Variants in UBR2 observed in about 807,000 individuals in gnomAD.
UBR2 encodes E3 ubiquitin-protein ligase UBR2.
A neutral mutation model predicts 247.9 loss-of-function variants in UBR2; 92 were observed. The observed-to-expected ratio is 0.37, with a 90% CI of 0.31 to 0.44. The LOEUF (loss-of-function observed/expected upper bound fraction) is 0.44, where lower values mean the gene tolerates loss of function less well. Among genes scored for constraint, UBR2 ranks in the 20% least tolerant of loss-of-function variants. The probability of loss-of-function intolerance (pLI) is 1.00; values close to 1 mark genes in which losing one functional copy is unlikely to be tolerated. For synonymous variants in UBR2, 672 were observed against 693.5 expected (o/e 0.97, Z 0.49); for missense variants, 1,613 against 2,112.6 (o/e 0.76, Z 4.64).
chr6:42,568,946 G>C (rs1256797383), intron 1 of UBR2, among the ~76,000 whole-genome samples: 1 of 152,048 alleles, frequency 6.6e-6, no homozygotes, highest in Non-Finnish European at 1.5e-5. Context: ...TCAGATTTTG[G>C]ATCATTTTGG....
At chr6:42,619,664 G>A (rs1056017935) in intron 11 of UBR2, 1 of 154,112 alleles carries the variant, frequency 6.5e-6, no homozygotes, top group Admixed American at 6.6e-5. Context: ...CCAAGAGGCG[G>A]AGGTTGCAGT....
intron 2 of UBR2, among the ~76,000 whole-genome samples, chr6:42,574,960 A>G (rs1412467294): frequency 6.6e-6 from 1 of 152,150 alleles, no homozygotes; most frequent in African/African-American, 2.4e-5. Context: ...TGGCCTCCCA[A>G]AGTGCTGGAT....
intron 1 of UBR2, among the ~76,000 whole-genome samples, chr6:42,572,994 G>A (rs1007417323): frequency 9.2e-5 from 14 of 151,984 alleles, no homozygotes; most frequent in Admixed American, 4.6e-4. Context: ...CAGATTTTTC[G>A]GTGTGGATAC....
chr6:42,676,817 T>G lies in UBR2; in HGVS notation c.4422T>G (p.Cys1474Trp). 6.2e-7 allele frequency: 1 copy of G among 1,614,058 alleles called. No individual in the cohort carries two copies. The highest frequency in any genetic ancestry group is 1.3e-5 in the African/African-American group (1 of 75,062). The change falls in exon 40 of 47, where the codon TGT becomes TGG. Residue 1474 changes from cysteine to tryptophan, a missense_variant. By Grantham distance (215) the Cys-to-Trp change is radical (BLOSUM62 -2). Around this residue, in one of 3 missense-constraint regions of UBR2, gnomAD observed 1,524 missense variants for 1,967.3 expected, o/e 0.77. Transcript: ENST00000372901. ...GCATGGATCAAGAAAATCCCCCTTG[T>G]GAAGAAGAATCAGCAGTTCTTGCTT... ...ENGMDQENPP[C>W]EEESAVLALY...
At chr6:42,591,824 A>G (rs1470005078) in intron 2 of UBR2, among the ~76,000 whole-genome samples, 1 of 152,208 alleles carries the variant, frequency 6.6e-6, no homozygotes, top group African/African-American at 2.4e-5. Flanking sequence ...TATTTTGAGT[A>G]TATTTCATAT....
chr6:42,573,371 T>G (rs1346359998), intron 1 of UBR2, among the ~76,000 whole-genome samples: 1 of 152,222 alleles, frequency 6.6e-6, no homozygotes, highest in African/African-American at 2.4e-5. Context: ...GATATCACAA[T>G]GAGAATAACA....
intron 2 of UBR2, among the ~76,000 whole-genome samples, chr6:42,574,615 G>A (rs886552466): frequency 2.6e-5 from 4 of 151,870 alleles, no homozygotes; most frequent in African/African-American, 7.2e-5. Flanking sequence ...AGAATAAAGT[G>A]CCTTGTCCCC....
rs763114628 is a variant in UBR2 at position 42,666,207 on chromosome 6, A to G, written c.3843A>G (p.Leu1281=). 1.9e-6 allele frequency: 3 copies of G among 1,613,034 alleles called. No individual in the cohort carries two copies. Among genetic ancestry groups the G allele is most frequent in the Non-Finnish European group, 2.5e-6 (3 of 1,179,462 alleles). ...AGAATTCAGAAAATGTGGATGAATT[A>G]CAGCTCCCTGAAGGGTTCAGGCCTG... The part of the protein sequence containing the change: ...STKNSENVDE[L]QLPEGFRPDF... Residue 1281 remains leucine (L), a synonymous_variant, in exon 34 of 47, where the codon TTA becomes TTG. Coordinates refer to ENST00000372901, the MANE Select transcript of UBR2 (RefSeq NM_001363705.2).
chr6:42,662,423 T>C, intron 31 of UBR2, 146 bp downstream of exon 31: 1 of 578,614 alleles, frequency 1.7e-6, no homozygotes, highest in Non-Finnish European at 3.0e-6. Context: ...TAACAAAAGT[T>C]ATTTGCCTTG....
At chr6:42,575,974 T>C (rs1358947519) in intron 2 of UBR2, among the ~76,000 whole-genome samples, 1 of 152,196 alleles carries the variant, frequency 6.6e-6, no homozygotes, top group Non-Finnish European at 1.5e-5. Context: ...GCTATCTTTG[T>C]TCTTTTTCAT....
At chr6:42,627,220 G>C (rs1253184516) in intron 11 of UBR2, among the ~76,000 whole-genome samples, 1 of 152,154 alleles carries the variant, frequency 6.6e-6, no homozygotes, top group Admixed American at 6.5e-5. Flanking sequence ...CATAAGACCA[G>C]ATAAGCCAGT....
chr6:42,570,052 A>G (rs532920679), intron 1 of UBR2, among the ~76,000 whole-genome samples: 15 of 78,582 alleles, frequency 1.9e-4, no homozygotes, highest in African/African-American at 1.0e-3. Context: ...CAGTTAGCAT[A>G]TGTTAGAACT....
chr6:42,590,582 G>T (rs73438688), intron 2 of UBR2, among the ~76,000 whole-genome samples: 3,559 of 152,200 alleles, frequency 0.023, 126 homozygotes, highest in African/African-American at 0.08. Context: ...TCATATAAAA[G>T]ACACAAATAG....
chr6:42,615,971 C>T (rs1794516528), intron 9 of UBR2, 31 bp from the exon 10 acceptor site: 1 of 1,458,780 alleles, frequency 6.9e-7, no homozygotes, highest in South Asian at 1.4e-5. Flanking sequence ...TGGGCGTGTC[C>T]TTATCTTATA....
intron 4 of UBR2, among the ~76,000 whole-genome samples, chr6:42,602,328 A>C (rs1237211133): frequency 1.3e-5 from 2 of 151,688 alleles, no homozygotes; most frequent in African/African-American, 4.8e-5. Context: ...TCAGCCTCCC[A>C]AGTAGCAGGG....
At chr6:42,630,805 T>C (rs896828523) in intron 11 of UBR2, among the ~76,000 whole-genome samples, 1 of 152,076 alleles carries the variant, frequency 6.6e-6, no homozygotes, top group Non-Finnish European at 1.5e-5. Flanking sequence ...TCTGCTTATT[T>C]GGGGTTTTTT....
intron 42 of UBR2, among the ~76,000 whole-genome samples, chr6:42,681,065 AG>A (rs1226718118): frequency 1.3e-5 from 2 of 150,874 alleles, no homozygotes; most frequent in East Asian, 4.0e-4. Flanking sequence ...CGGGAGGCTG[AG>A]GCAGGAGAAT....
intron 2 of UBR2, among the ~76,000 whole-genome samples, chr6:42,575,973 G>A (rs1019667192): frequency 6.6e-6 from 1 of 151,994 alleles, no homozygotes; most frequent in Non-Finnish European, 1.5e-5. Flanking sequence ...AGCTATCTTT[G>A]TTCTTTTTCA....
Position 42,632,555 on chromosome 6 carries a change from C to T in UBR2, c.1285C>T (p.Arg429Ter). 1.3e-6 allele frequency: 2 copies of T among 1,596,066 alleles called. No individual in the cohort carries two copies. The highest frequency in any genetic ancestry group is 8.5e-7 in the Non-Finnish European group (1 of 1,172,710). Residue 429 changes from arginine (R) to a stop codon, truncating the protein, a stop_gained, in exon 12 of 47, where the codon CGA (arginine) becomes TGA (stop). Coordinates refer to ENST00000372901, the MANE Select transcript of UBR2 (RefSeq NM_001363705.2). LOFTEE classifies it high-confidence loss of function. ...VQIFTVPSLA[R>*]MLITEENLMS... ...CTCTGATAAACTTTGTTTTTAGGCT[C>T]GAATGCTCATCACAGAAGAAAACTT...
Sources: allele counts gnomAD v4.1 joint callset (sites outside exome capture counted in the v4.1 genomes callset), GRCh38; gene constraint gnomAD v4.1.1; regional missense constraint gnomAD v4.1.1; transcripts MANE v1.5; gene names NCBI Gene and HGNC (gene_info 2026-07-23, HGNC 2026-07-21).